DLG2: variants seen among roughly 807,000 people sequenced by gnomAD.
DLG2 encodes the protein disks large homolog 2.
A neutral mutation model predicts 132.5 loss-of-function variants in DLG2; 45 were observed. The observed-to-expected ratio is 0.34, with a 90% CI of 0.27 to 0.44. DLG2 has a LOEUF of 0.44. DLG2 is among the 20% of genes least tolerant of loss of function. DLG2 has a pLI of 1.00. For synonymous variants in DLG2, 424 were observed against 419.6 expected (o/e 1.01, Z -0.13); for missense variants, 1,045 against 1,196.9 (o/e 0.87, Z 1.87).
At chr11:84,332,929 T>C (rs2098467649) in intron 7 of DLG2, among the ~76,000 whole-genome samples, 1 of 152,166 alleles carries the variant, frequency 6.6e-6, no homozygotes, top group African/African-American at 2.4e-5. Flanking sequence ...GAGTATTCAA[T>C]AAGTCTCAAT....
intron 6 of DLG2, chr11:84,887,109 T>C (rs1418729178): frequency 1.3e-5 from 2 of 152,160 alleles, no homozygotes; most frequent in East Asian, 3.9e-4. Flanking sequence ...AATGTTAAAT[T>C]CATACTTTAG....
chr11:85,511,378 T>C (rs963244125), intron 3 of DLG2, among the ~76,000 whole-genome samples: 2 of 151,690 alleles, frequency 1.3e-5, no homozygotes, highest in Non-Finnish European at 2.9e-5. Flanking sequence ...ATAATAATAA[T>C]AAAATTAAAA....
chr11:84,842,517 G>GA (rs1271957988), intron 6 of DLG2, among the ~76,000 whole-genome samples: 3 of 151,962 alleles, frequency 2.0e-5, no homozygotes, highest in Admixed American at 6.6e-5. Flanking sequence ...AAGCAGGGTA[G>GA]AAAAAATCAA....
intron 6 of DLG2, among the ~76,000 whole-genome samples, chr11:84,889,985 T>C (rs1330439979): frequency 2.6e-5 from 4 of 152,200 alleles, no homozygotes; most frequent in African/African-American, 9.6e-5. Context: ...CAAATAATAG[T>C]TCCTCAGTGA....
chr11:83,515,118 G>T (rs1194169431), intron 21 of DLG2, among the ~76,000 whole-genome samples: 1 of 152,156 alleles, frequency 6.6e-6, no homozygotes, highest in Non-Finnish European at 1.5e-5. Context: ...GCTCCTCCTT[G>T]TACCTCTGGT....
At chr11:84,102,116 G>A (rs999390945) in intron 9 of DLG2, among the ~76,000 whole-genome samples, 7 of 152,008 alleles carry the variant, frequency 4.6e-5, no homozygotes, top group African/African-American at 7.3e-5. Context: ...TGGCTCAGAC[G>A]GTGTCTGCTC....
chr11:84,513,125 A>T (rs547852878), intron 7 of DLG2, among the ~76,000 whole-genome samples: 103 of 152,178 alleles, frequency 6.8e-4, no homozygotes, highest in Non-Finnish European at 1.4e-3. Context: ...CATTCTGCAC[A>T]TGTATCCCAG....
At chr11:83,831,751 T>C (rs1199441789) in intron 17 of DLG2, among the ~76,000 whole-genome samples, 1 of 152,208 alleles carries the variant, frequency 6.6e-6, no homozygotes, top group African/African-American at 2.4e-5. Flanking sequence ...AAGTACTGGC[T>C]CCTTATGTAA....
At chr11:85,132,619 C>G (rs2075810761) in intron 5 of DLG2, 6 of 401,490 alleles carry the variant, frequency 1.5e-5, no homozygotes, top group Middle Eastern at 4.2e-4. Context: ...ACCCCCCAGA[C>G]CCTCAGGGAA....
intron 6 of DLG2, among the ~76,000 whole-genome samples, chr11:85,031,449 C>G (rs911021121): frequency 6.6e-6 from 1 of 152,094 alleles, no homozygotes; most frequent in Admixed American, 6.6e-5. Context: ...TTATTTTTCT[C>G]ATACTATACT....
chr11:83,475,615 AAG>A (rs765128463), intron 22 of DLG2, among the ~76,000 whole-genome samples: 31 of 151,884 alleles, frequency 2.0e-4, no homozygotes, highest in Non-Finnish European at 4.1e-4. Context: ...GAAAAAATTG[AAG>A]AGAGAGATAG....
chr11:84,285,254 T>G (rs531086785), intron 7 of DLG2, among the ~76,000 whole-genome samples: 7 of 152,074 alleles, frequency 4.6e-5, no homozygotes, highest in Non-Finnish European at 8.8e-5. Context: ...AACTTCCTCA[T>G]CCAGTAAATC....
At chr11:83,937,504 T>C (rs1450918211) in intron 14 of DLG2, among the ~76,000 whole-genome samples, 1 of 32,678 alleles carries the variant, frequency 3.1e-5, no homozygotes, top group South Asian at 2.1e-3. Context: ...TGAGACTCCA[T>C]CTCAAAAAAA....
chr11:83,477,453 T>G (rs1009034166), intron 22 of DLG2, among the ~76,000 whole-genome samples: 4 of 152,108 alleles, frequency 2.6e-5, no homozygotes, highest in African/African-American at 9.6e-5. Context: ...AGCAAAGATC[T>G]GAACTATTTA....
At chr11:85,472,663 C>T (rs1447039475) in intron 3 of DLG2, among the ~76,000 whole-genome samples, 2 of 152,176 alleles carry the variant, frequency 1.3e-5, no homozygotes, top group East Asian at 3.9e-4. Flanking sequence ...TCCTTGTAAC[C>T]TCATTCTTAA....
chr11:85,427,211 T>G (rs951417483), intron 3 of DLG2, among the ~76,000 whole-genome samples: 3 of 152,170 alleles, frequency 2.0e-5, no homozygotes, highest in Non-Finnish European at 4.4e-5. Context: ...TACAGGATAT[T>G]ATCCAGGAGA....
At chr11:83,778,634 C>T (rs1311923635) in intron 18 of DLG2, among the ~76,000 whole-genome samples, 1 of 151,984 alleles carries the variant, frequency 6.6e-6, no homozygotes, top group Non-Finnish European at 1.5e-5. Flanking sequence ...GCACCATTCC[C>T]AGGATAGATA....
At chr11:85,018,501 C>G (rs1324842228) in intron 6 of DLG2, among the ~76,000 whole-genome samples, 1 of 152,144 alleles carries the variant, frequency 6.6e-6, no homozygotes, top group Non-Finnish European at 1.5e-5. Context: ...CTCTGTATCC[C>G]TATCAAAGAT....
At chr11:83,469,503 A>G in intron 24 of DLG2, 130 bp from the exon 25 acceptor site, 1 of 671,736 alleles carries the variant, frequency 1.5e-6, no homozygotes, top group Non-Finnish European at 2.4e-6. Flanking sequence ...ATGACATAGT[A>G]ACAGGTACTA....
Sources: gnomAD v4.1 joint callset for allele counts (sites outside exome capture counted in the v4.1 genomes callset) on GRCh38, gnomAD v4.1.1 for gene constraint, MANE v1.5 for transcripts, NCBI Gene and HGNC (gene_info 2026-07-23, HGNC 2026-07-21) for gene names.